The following PDCD1LG2 variants were observed in gnomAD, a reference collection of about 807,000 sequenced individuals.
PDCD1LG2 encodes B7 dendritic cell molecule.
Under a neutral mutation model 28.2 loss-of-function variants are expected in PDCD1LG2, and 32 were observed. The ratio of observed to expected loss-of-function variants is 1.13; its 90% CI spans 0.86 to 1.52. The LOEUF (loss-of-function observed/expected upper bound fraction) is 1.52, where lower values mean the gene tolerates loss of function less well. Among genes scored for constraint, PDCD1LG2 ranks in the 40% most tolerant of loss-of-function variants. PDCD1LG2 has a pLI of 0.00. For synonymous variants in PDCD1LG2, 116 were observed against 120.2 expected (o/e 0.97, Z 0.23); for missense variants, 385 against 323.8 (o/e 1.19, Z -1.45).
At chr9:5,551,381 C>A (rs757547865) in intron 4 of PDCD1LG2, among the ~76,000 whole-genome samples, 2 of 152,006 alleles carry the variant, frequency 1.3e-5, no homozygotes, top group Non-Finnish European at 2.9e-5. Flanking sequence ...AATTGGCAAC[C>A]CCAGAGGGCA....
chr9:5,563,459 G>C (rs1365086180), intron 6 of PDCD1LG2, among the ~76,000 whole-genome samples: 2 of 152,152 alleles, frequency 1.3e-5, no homozygotes, highest in African/African-American at 2.4e-5. Context: ...GTCTCACATA[G>C]TTAGAAACAG....
At chr9:5,543,337 A>C (rs899893580) in intron 3 of PDCD1LG2, among the ~76,000 whole-genome samples, 3 of 152,096 alleles carry the variant, frequency 2.0e-5, no homozygotes, top group Non-Finnish European at 4.4e-5. Context: ...CAGGAGATCA[A>C]GATCATCCTG....
chr9:5,545,924 G>C (rs1816196690), intron 3 of PDCD1LG2, among the ~76,000 whole-genome samples: 1 of 152,068 alleles, frequency 6.6e-6, no homozygotes, highest in African/African-American at 2.4e-5. Context: ...TTGAATTTTT[G>C]GAGTACTTCC....
intron 6 of PDCD1LG2, among the ~76,000 whole-genome samples, chr9:5,564,638 T>C (rs548622095): frequency 6.6e-6 from 1 of 152,330 alleles, no homozygotes; most frequent in East Asian, 1.9e-4. Context: ...GTTTTCATCA[T>C]CATCATGTCA....
chr9:5,558,191 C>G (rs1816485117), intron 5 of PDCD1LG2, among the ~76,000 whole-genome samples: 1 of 152,182 alleles, frequency 6.6e-6, no homozygotes, highest in Non-Finnish European at 1.5e-5. Context: ...TCCCAGGAAT[C>G]TCAACCTCAC....
intron 1 of PDCD1LG2, among the ~76,000 whole-genome samples, chr9:5,519,057 A>G (rs569051445): frequency 3.0e-4 from 46 of 152,352 alleles, no homozygotes; most frequent in African/African-American, 1.0e-3. Context: ...AAAGGGCCAC[A>G]TGGGGAAGCA....
intron 1 of PDCD1LG2, among the ~76,000 whole-genome samples, chr9:5,512,925 T>G (rs1355484771): frequency 1.3e-5 from 2 of 152,192 alleles, no homozygotes; most frequent in Admixed American, 6.5e-5. Flanking sequence ...AATTGTTTTG[T>G]CAATTGTCTT....
chr9:5,525,770 C>T (rs556117855), intron 2 of PDCD1LG2, among the ~76,000 whole-genome samples: 69 of 151,982 alleles, frequency 4.5e-4, no homozygotes, highest in Non-Finnish European at 7.5e-4. Context: ...AAGAAGAGGC[C>T]GGGCATGGTG....
intron 2 of PDCD1LG2, among the ~76,000 whole-genome samples, chr9:5,529,908 C>A (rs1820449583): frequency 6.6e-6 from 1 of 152,152 alleles, no homozygotes; most frequent in South Asian, 2.1e-4. Context: ...GAGTCAGGTG[C>A]TTAGAGCAGG....
chr9:5,534,713 G>A, intron 2 of PDCD1LG2, 32 bp from the exon 3 acceptor site: 1 of 1,555,770 alleles, frequency 6.4e-7, no homozygotes, highest in Non-Finnish European at 8.7e-7. Flanking sequence ...AGTAAAGGCA[G>A]ACAATGACAA....
intron 2 of PDCD1LG2, among the ~76,000 whole-genome samples, chr9:5,526,705 T>C (rs1242487967): frequency 6.6e-6 from 1 of 152,182 alleles, no homozygotes; most frequent in Non-Finnish European, 1.5e-5. Flanking sequence ...CCCAAAGCAC[T>C]GAGATCACAG....
chr9:5,563,346 A>G (rs774372978), intron 6 of PDCD1LG2, 135 bp downstream of exon 6: 32 of 788,154 alleles, frequency 4.1e-5, no homozygotes, highest in Non-Finnish European at 6.2e-5. Context: ...CCTGTTTGGT[A>G]GCATTTCAGC....
At chr9:5,552,781 T>C (rs1233451006) in intron 4 of PDCD1LG2, among the ~76,000 whole-genome samples, 1 of 152,118 alleles carries the variant, frequency 6.6e-6, no homozygotes, top group Non-Finnish European at 1.5e-5. Context: ...CCTGATACAG[T>C]TTTCAGAGGC....
intron 5 of PDCD1LG2, among the ~76,000 whole-genome samples, chr9:5,559,874 T>C (rs939431069): frequency 5.9e-5 from 9 of 152,202 alleles, no homozygotes; most frequent in Middle Eastern, 3.2e-3. Context: ...ATCACCTTCA[T>C]TGTCTAAAGC....
intron 4 of PDCD1LG2, among the ~76,000 whole-genome samples, chr9:5,555,778 G>A (rs149717746): frequency 6.6e-6 from 1 of 152,304 alleles, no homozygotes; most frequent in Non-Finnish European, 1.5e-5. Flanking sequence ...ATGTTTTAAG[G>A]CCAAGACCTT....
rs762476947 is a variant in PDCD1LG2 at position 5,535,035 on chromosome 9, A to T, written c.346A>T (p.Thr116Ser). The T allele has an allele frequency of 6.2e-7, 1 of 1,608,366 alleles. No homozygotes were observed. The highest frequency in any genetic ancestry group is 1.3e-5 in the African/African-American group (1 of 74,806). The change falls in exon 3 of 7, where the codon ACT becomes TCT. Residue 116 changes from threonine (T) to serine (S), a missense_variant. Transcript: ENST00000397747. Reference protein sequence around the residue: ...YGVAWDYKYLTLKVKASYRKI... With the variant: ...YGVAWDYKYLSLKVKASYRKI... The stretch of plus-strand genomic sequence containing the variant: ...GGTCGCCTGGGACTACAAGTACCTG[A>T]CTCTGAAAGTCAAAGGTGAGTGGTG...
At chr9:5,529,298 A>C (rs965174804) in intron 2 of PDCD1LG2, among the ~76,000 whole-genome samples, 2 of 152,146 alleles carry the variant, frequency 1.3e-5, no homozygotes, top group Admixed American at 6.5e-5. Flanking sequence ...TCTATATGTA[A>C]GGTTTATAAT....
intron 2 of PDCD1LG2, among the ~76,000 whole-genome samples, chr9:5,530,478 A>G (rs2129770169): frequency 6.7e-6 from 1 of 149,282 alleles, no homozygotes; most frequent in African/African-American, 2.6e-5. Context: ...TACAGCAAAA[A>G]AAAAAAAAAA....
At position 5,570,380 on chromosome 9, in the gene PDCD1LG2, A is replaced by G. The variant is rs925553263; in HGVS notation, c.*421A>G. The G allele has an allele frequency of 1.6e-5, 4 of 244,578 alleles. No individual in the cohort carries two copies. Among genetic ancestry groups the G allele is most frequent in the South Asian group, 3.1e-4 (2 of 6,480 alleles). The allele number at this position is 244,578 out of a possible 1,614,324, so 15.2% of individuals were successfully genotyped here. A position where few individuals can be genotyped will look rare whatever the true frequency, so the allele number is the denominator to read the frequency against. On this transcript the variant is annotated 3_prime_UTR_variant, in exon 7 of 7. Transcript: ENST00000397747. ...TGGGTTGCCAATAGAGTTATTTTTT[A>G]TCTATAGCTTCCTCTGGGTACTAGA...
Sources: allele counts gnomAD v4.1 joint callset (sites outside exome capture counted in the v4.1 genomes callset), GRCh38; gene constraint gnomAD v4.1.1; transcripts MANE v1.5; gene names NCBI Gene and HGNC (gene_info 2026-07-23, HGNC 2026-07-21).